The following RALGAPA1 variants were observed in gnomAD, a reference collection of about 807,000 sequenced individuals.
The protein encoded by RALGAPA1 is Ral GTPase activating protein catalytic subunit alpha 1, also known as ral GTPase-activating protein subunit alpha-1.
In RALGAPA1, 52 loss-of-function variants were observed where a neutral mutation model predicts 269.6. The ratio of observed to expected loss-of-function variants is 0.19; its 90% CI spans 0.15 to 0.24. The LOEUF is 0.24. Among genes scored for constraint, RALGAPA1 ranks in the 10% least tolerant of loss-of-function variants. RALGAPA1 has a pLI of 1.00. For synonymous variants in RALGAPA1, 817 were observed against 1,008.3 expected (o/e 0.81, Z 3.60); for missense variants, 1,917 against 3,013.9 (o/e 0.64, Z 8.52).
At position 35,689,418 on chromosome 14, in the gene RALGAPA1, A is replaced by C; in HGVS notation, c.2993T>G (p.Phe998Cys). The C allele has an allele frequency of 8.1e-7, 1 of 1,232,322 alleles. No homozygotes were observed. The highest frequency in any genetic ancestry group is 1.0e-6 in the Non-Finnish European group (1 of 988,098). 76.3% of individuals were successfully genotyped at this position (1,232,322 alleles called of 1,614,324 possible). A position where few individuals can be genotyped will look rare whatever the true frequency, so the allele number is the denominator to read the frequency against. Residue 998 changes from phenylalanine (F) to cysteine (C), a missense_variant, in exon 18 of 42, where the codon TTT (phenylalanine) becomes TGT (cysteine). Physicochemically the swap from Phe to Cys is radical, Grantham distance 205. Coordinates refer to ENST00000680220, the MANE Select transcript of RALGAPA1 (RefSeq NM_001346249.2). ...CTGTAGGTTTTCAGGAGTCCCAACAAAAGAGGTGATATTTTCTGATTCAGT... is the reference window on the plus strand; with the variant it reads ...CTGTAGGTTTTCAGGAGTCCCAACACAAGAGGTGATATTTTCTGATTCAGT... ...QETESENITS[F>C]VGTPENLQFQ...
chr14:35,669,665 C>T (rs1445391304), intron 26 of RALGAPA1, among the ~76,000 whole-genome samples: 2 of 152,188 alleles, frequency 1.3e-5, no homozygotes, highest in Non-Finnish European at 1.5e-5. Flanking sequence ...CAGGTCAGCT[C>T]TAGACAATGC....
chr14:35,727,189 T>C (rs2070017274), intron 13 of RALGAPA1, among the ~76,000 whole-genome samples: 1 of 151,326 alleles, frequency 6.6e-6, no homozygotes, highest in Non-Finnish European at 1.5e-5. Flanking sequence ...CTAATTTATG[T>C]TTTGCCACAT....
intron 1 of RALGAPA1, among the ~76,000 whole-genome samples, chr14:35,786,360 C>A (rs532709803): frequency 1.2e-3 from 181 of 152,212 alleles, no homozygotes; most frequent in African/African-American, 4.1e-3. Context: ...TGGTTACCAG[C>A]CAGGCGCGGT....
chr14:35,709,069 G>T (rs1216405104), intron 16 of RALGAPA1, among the ~76,000 whole-genome samples: 1 of 152,122 alleles, frequency 6.6e-6, no homozygotes, highest in Non-Finnish European at 1.5e-5. Flanking sequence ...ATAGTTACTA[G>T]AGGCTCAGAA....
intron 21 of RALGAPA1, among the ~76,000 whole-genome samples, chr14:35,679,102 T>C (rs2065197609): frequency 1.3e-5 from 2 of 152,222 alleles, no homozygotes; most frequent in African/African-American, 2.4e-5. Flanking sequence ...GCAGGTACTT[T>C]TGTTAACTTA....
intron 1 of RALGAPA1, among the ~76,000 whole-genome samples, chr14:35,799,267 G>T (rs982575256): frequency 6.6e-6 from 1 of 152,074 alleles, no homozygotes; most frequent in African/African-American, 2.4e-5. Flanking sequence ...GCAAGTTAAA[G>T]ATGTATACTA....
chr14:35,680,251 A>T (rs2140335482), intron 21 of RALGAPA1, among the ~76,000 whole-genome samples: 1 of 152,276 alleles, frequency 6.6e-6, no homozygotes, highest in South Asian at 2.1e-4. Context: ...TCTGTTGCTC[A>T]GGGTGGAATG....
At chr14:35,615,987 T>C (rs2060226612) in intron 35 of RALGAPA1, among the ~76,000 whole-genome samples, 1 of 151,964 alleles carries the variant, frequency 6.6e-6, no homozygotes, top group Admixed American at 6.6e-5. Flanking sequence ...TCCCACAGAG[T>C]ACTTAGACAG....
rs375112184 is a variant in RALGAPA1, at chr14:35,664,782, T to A, written c.5203-15A>T. ...ACTCTTGGTGCCTATGTATCACATT[T>A]TTAAAAAGTTTAAAAATATATTGGT... On this transcript the variant is annotated splice_polypyrimidine_tract_variant and intron_variant, in intron 26 of 41. Coordinates refer to ENST00000680220, the MANE Select transcript of RALGAPA1 (RefSeq NM_001346249.2). 2 of 1,601,384 alleles carry A rather than the reference T, an allele frequency of 1.2e-6. No individual in the cohort carries two copies. The highest frequency in any genetic ancestry group is 8.5e-7 in the Non-Finnish European group (1 of 1,176,292).
At chr14:35,539,766 T>C in intron 41 of RALGAPA1, 76 bp from the exon 42 acceptor site, 1 of 1,563,320 alleles carries the variant, frequency 6.4e-7, no homozygotes, top group Non-Finnish European at 8.7e-7. Flanking sequence ...CTGCTACTAA[T>C]CTGCAGCAAG....
chr14:35,698,123 A>C (rs1234578477), intron 17 of RALGAPA1, among the ~76,000 whole-genome samples: 2 of 152,178 alleles, frequency 1.3e-5, no homozygotes, highest in Admixed American at 6.5e-5. Flanking sequence ...TAAATCTTTA[A>C]ATTTATCATA....
intron 7 of RALGAPA1, among the ~76,000 whole-genome samples, chr14:35,755,901 T>C (rs1360233599): frequency 6.6e-6 from 1 of 152,174 alleles, no homozygotes; most frequent in East Asian, 1.9e-4. Context: ...AATGTGTGAA[T>C]AAAAGCGTTT....
At chr14:35,795,081 T>G (rs1406419660) in intron 1 of RALGAPA1, among the ~76,000 whole-genome samples, 1 of 152,198 alleles carries the variant, frequency 6.6e-6, no homozygotes, top group South Asian at 2.1e-4. Context: ...GCTTCTCGTG[T>G]GTGTTATTTT....
At chr14:35,555,496 A>C (rs943179621) in intron 39 of RALGAPA1, among the ~76,000 whole-genome samples, 1 of 152,236 alleles carries the variant, frequency 6.6e-6, no homozygotes, top group African/African-American at 2.4e-5. Flanking sequence ...TCTGTATACC[A>C]TAAGAATAGA....
At chr14:35,784,749 C>T (rs1016552278) in intron 1 of RALGAPA1, among the ~76,000 whole-genome samples, 19 of 152,266 alleles carry the variant, frequency 1.2e-4, no homozygotes, top group African/African-American at 4.6e-4. Flanking sequence ...CATCAAGTTA[C>T]TGATATTTAT....
intron 12 of RALGAPA1, 85 bp from the exon 13 acceptor site, chr14:35,728,595 CTG>C: frequency 7.1e-7 from 1 of 1,417,562 alleles, no homozygotes; most frequent in Non-Finnish European, 9.3e-7. Flanking sequence ...ACTGATCACA[CTG>C]TGGGTAAATT....
At position 35,627,483 on chromosome 14, in the gene RALGAPA1, T is replaced by G; in HGVS notation, c.6464A>C (p.Glu2155Ala). ...AAGTCCATCTTTTACGGTTATATCT[T>G]CTAAGCATTCATTAGATGTCGGAGG... The part of the protein sequence containing the change: ...EEPPTSNECL[E>A]DITVKDGLSL... Residue 2155 changes from glutamate (E) to alanine (A), a missense_variant, in exon 34 of 42, where the codon GAA becomes GCA. By Grantham distance (107) the Glu-to-Ala change is moderately radical. Coordinates refer to ENST00000680220, the MANE Select transcript of RALGAPA1 (RefSeq NM_001346249.2). 6.2e-7 allele frequency: 1 copy of G among 1,612,704 alleles called. No homozygotes were observed. Among genetic ancestry groups the G allele is most frequent in the Non-Finnish European group, 8.5e-7 (1 of 1,179,716 alleles).
chr14:35,695,632 T>G (rs1197100071), intron 17 of RALGAPA1, among the ~76,000 whole-genome samples: 2 of 152,182 alleles, frequency 1.3e-5, no homozygotes, highest in Non-Finnish European at 2.9e-5. Flanking sequence ...TCTGTAAGCT[T>G]AATTTCAGGA....
At chr14:35,734,333 C>T (rs1209813331) in intron 12 of RALGAPA1, among the ~76,000 whole-genome samples, 1 of 152,172 alleles carries the variant, frequency 6.6e-6, no homozygotes, top group East Asian at 1.9e-4. Flanking sequence ...ACCAAAACAG[C>T]ATGGTACTGG....
Sources: allele counts gnomAD v4.1 joint callset (sites outside exome capture counted in the v4.1 genomes callset), GRCh38; gene constraint gnomAD v4.1.1; transcripts MANE v1.5; gene names NCBI Gene and HGNC (gene_info 2026-07-23, HGNC 2026-07-21).